Variants in PALM2AKAP2 observed in about 807,000 individuals in gnomAD.
PALM2AKAP2 encodes the protein PALM2-AKAP2 fusion protein.
PALM2AKAP2 carries 37 observed loss-of-function variants against 71.5 expected under a neutral mutation model. The ratio of observed to expected loss-of-function variants is 0.52; its 90% CI spans 0.40 to 0.68. The LOEUF is 0.68. Ranked by LOEUF, PALM2AKAP2 falls within the 30% of genes least tolerant of loss-of-function variation. The pLI is 0.00. For synonymous variants in PALM2AKAP2, 468 were observed against 478.8 expected (o/e 0.98, Z 0.29); for missense variants, 1,224 against 1,191.8 (o/e 1.03, Z -0.40).
chr9:109,953,460 G>T (rs1564231114), intron 6 of PALM2AKAP2, among the ~76,000 whole-genome samples: 1 of 152,140 alleles, frequency 6.6e-6, no homozygotes, highest in Non-Finnish European at 1.5e-5. Context: ...AAATCCGTGT[G>T]GGGTGGAGGA....
chr9:110,096,598 C>T lies in PALM2AKAP2; in HGVS notation c.157-39529C>T, dbSNP rs116813846. Among the ~76,000 whole-genome samples the T allele has an allele frequency of 6.5e-3, 984 of 152,192 alleles. 13 individuals are homozygous for T. Among genetic ancestry groups the T allele is most frequent in the African/African-American group, 0.022 (913 of 41,494 alleles). ...CTTTCTTCTGTCCCCTTGGTGGGGA[C>T]GTTGGGGTGACCCATATGTGGTACA... is the stretch of plus-strand genomic sequence containing the variant. On this transcript the variant is annotated intron_variant, in intron 1 of 3. Coordinates refer to ENST00000374525, the Ensembl canonical transcript of PALM2AKAP2.
At chr9:109,692,667 G>T (rs1248364979) in intron 1 of PALM2AKAP2, among the ~76,000 whole-genome samples, 1 of 151,782 alleles carries the variant, frequency 6.6e-6, no homozygotes, top group Non-Finnish European at 1.5e-5. Context: ...TTGTCAAATG[G>T]TTTTTCTGCA....
chr9:110,158,511 G>A (rs969874754), intron 3 of PALM2AKAP2, among the ~76,000 whole-genome samples: 1 of 152,148 alleles, frequency 6.6e-6, no homozygotes, highest in African/African-American at 2.4e-5. Flanking sequence ...CACTCATTTC[G>A]TAAAGGCAGA....
At chr9:109,895,571 G>A (rs1025384679) in intron 3 of PALM2AKAP2, among the ~76,000 whole-genome samples, 1 of 152,152 alleles carries the variant, frequency 6.6e-6, no homozygotes, top group African/African-American at 2.4e-5. Flanking sequence ...TTAAAATGTG[G>A]TCAGAGGGCT....
intron 1 of PALM2AKAP2, among the ~76,000 whole-genome samples, chr9:109,755,897 C>A (rs1436949328): frequency 6.6e-6 from 1 of 152,082 alleles, no homozygotes; most frequent in African/African-American, 2.4e-5. Flanking sequence ...TGGTGAAAAA[C>A]TGTAAAAATG....
chr9:109,831,959 C>T (rs902410170), intron 1 of PALM2AKAP2, among the ~76,000 whole-genome samples: 1 of 152,136 alleles, frequency 6.6e-6, no homozygotes, highest in African/African-American at 2.4e-5. Context: ...ATTCTAAAGT[C>T]ACACACTGGA....
chr9:109,720,547 GA>G (rs1007976420), intron 1 of PALM2AKAP2, among the ~76,000 whole-genome samples: 38 of 152,294 alleles, frequency 2.5e-4, no homozygotes, highest in African/African-American at 8.9e-4. Context: ...AGGTTTCTCT[GA>G]AAGAGAGAAA....
chr9:110,080,041 G>C (rs973700593), intron 1 of PALM2AKAP2, among the ~76,000 whole-genome samples: 2 of 124,824 alleles, frequency 1.6e-5, no homozygotes, highest in African/African-American at 6.4e-5. Flanking sequence ...TTGCACTTCA[G>C]CTTGGGTGAC....
chr9:110,031,628 G>C (rs185736047), intron 7 of PALM2AKAP2, among the ~76,000 whole-genome samples: 1 of 152,216 alleles, frequency 6.6e-6, no homozygotes, highest in East Asian at 1.9e-4. Flanking sequence ...AGTTTACAGA[G>C]AAAACAAGGT....
Position 110,103,483 on chromosome 9 carries a change from A to T in PALM2AKAP2, c.157-32644A>T, listed in dbSNP as rs150295714. Among the ~76,000 whole-genome samples, 31 of 152,308 alleles carry T rather than the reference A, an allele frequency of 2.0e-4. No homozygotes were observed. The East Asian group carries it at 3.3e-3, about 16-fold the overall frequency. ...AGGAGAGCATGTCACCTCTCACTTC[A>T]AGTTTCCACACTTTTAGGCCATTCT... On this transcript the variant is annotated intron_variant, in intron 1 of 3. Transcript: ENST00000374525.
chr9:109,799,781 C>G (rs1341661366), intron 1 of PALM2AKAP2, among the ~76,000 whole-genome samples: 1 of 152,202 alleles, frequency 6.6e-6, no homozygotes, highest in Admixed American at 6.5e-5. Context: ...AGGCATGAAC[C>G]ACCGCGTCGG....
At chr9:109,714,774 C>G (rs1409161709) in intron 1 of PALM2AKAP2, among the ~76,000 whole-genome samples, 2 of 152,184 alleles carry the variant, frequency 1.3e-5, no homozygotes, top group Non-Finnish European at 2.9e-5. Flanking sequence ...GAATTGCCCT[C>G]ACCTGAAGGC....
intron 7 of PALM2AKAP2, among the ~76,000 whole-genome samples, chr9:110,021,538 T>C (rs1440095760): frequency 6.6e-6 from 1 of 152,184 alleles, no homozygotes; most frequent in Non-Finnish European, 1.5e-5. Flanking sequence ...GATAAACCAA[T>C]ATTACGAAGA....
chr9:109,805,334 G>A (rs1016615036), intron 1 of PALM2AKAP2, among the ~76,000 whole-genome samples: 1 of 152,220 alleles, frequency 6.6e-6, no homozygotes, highest in Admixed American at 6.5e-5. Context: ...TATCTGGGAA[G>A]GTGGGCTGAT....
intron 1 of PALM2AKAP2, among the ~76,000 whole-genome samples, chr9:110,094,519 T>G (rs933886927): frequency 6.6e-6 from 1 of 151,746 alleles, no homozygotes; most frequent in African/African-American, 2.4e-5. Context: ...TCTGGGGAGG[T>G]CTCAGGAAAC....
intron 6 of PALM2AKAP2, among the ~76,000 whole-genome samples, chr9:109,957,829 A>T (rs1405820923): frequency 6.6e-6 from 1 of 152,182 alleles, no homozygotes; most frequent in East Asian, 1.9e-4. Flanking sequence ...GTTCCAGGTG[A>T]TTCTAATGGA....
chr9:110,160,845 T>C (rs1836578097), intron 3 of PALM2AKAP2, among the ~76,000 whole-genome samples: 1 of 152,188 alleles, frequency 6.6e-6, no homozygotes, highest in Non-Finnish European at 1.5e-5. Context: ...GCTCTCTCTC[T>C]CTTTCTCATC....
intron 1 of PALM2AKAP2, among the ~76,000 whole-genome samples, chr9:109,799,685 G>A (rs1827365784): frequency 6.6e-6 from 1 of 151,580 alleles, no homozygotes; most frequent in South Asian, 2.1e-4. Flanking sequence ...TTGTAGAGAT[G>A]GGGTTTCACC....
At chr9:109,796,734 A>G (rs541869871) in intron 1 of PALM2AKAP2, among the ~76,000 whole-genome samples, 2 of 152,252 alleles carry the variant, frequency 1.3e-5, no homozygotes, top group Admixed American at 1.3e-4. Flanking sequence ...CACTTATAAA[A>G]CCATCAGATT....
Sources: allele counts gnomAD v4.1 joint callset (sites outside exome capture counted in the v4.1 genomes callset), GRCh38; gene constraint gnomAD v4.1.1; transcripts MANE v1.5; gene names NCBI Gene and HGNC (gene_info 2026-07-23, HGNC 2026-07-21).